The following EFNA5 variants were observed in gnomAD, a reference collection of about 807,000 sequenced individuals.
EFNA5 encodes ephrin A5.
EFNA5 carries 5 observed loss-of-function variants against 22.9 expected under a neutral mutation model. The ratio of observed to expected loss-of-function variants is 0.22; its 90% confidence interval spans 0.11 to 0.46. EFNA5 has a LOEUF of 0.46. EFNA5 is among the 20% of genes least tolerant of loss of function. The pLI is 0.99. For synonymous variants in EFNA5, 113 were observed against 112.2 expected (o/e 1.01, Z -0.04); for missense variants, 237 against 293.3 (o/e 0.81, Z 1.40).
At chr5:107,425,456 A>G (rs1469154441) in intron 2 of EFNA5, among the ~76,000 whole-genome samples, 1 of 152,196 alleles carries the variant, frequency 6.6e-6, no homozygotes, top group Non-Finnish European at 1.5e-5. Flanking sequence ...CTGTCCCACA[A>G]ATGAAGTCCT....
At chr5:107,381,501 T>C (rs1747459716) in intron 4 of EFNA5, 125 bp from the exon 5 acceptor site, 2 of 1,097,480 alleles carry the variant, frequency 1.8e-6, no homozygotes, top group Non-Finnish European at 2.5e-6. Context: ...TGTGCCACCA[T>C]TGACTTTCAT....
At chr5:107,572,190 GC>G (rs1357482092) in intron 1 of EFNA5, among the ~76,000 whole-genome samples, 1 of 151,958 alleles carries the variant, frequency 6.6e-6, no homozygotes, top group Non-Finnish European at 1.5e-5. Flanking sequence ...TGGCAAGTAC[GC>G]CCCCTGCTGG....
intron 1 of EFNA5, among the ~76,000 whole-genome samples, chr5:107,641,087 G>A (rs2112544299): frequency 6.6e-6 from 1 of 152,268 alleles, no homozygotes; most frequent in South Asian, 2.1e-4. Context: ...GCTGGGCACG[G>A]TGGCTCACAC....
intron 1 of EFNA5, among the ~76,000 whole-genome samples, chr5:107,660,261 C>CATATATATATATATATATATATATAT (rs56838945): frequency 3.8e-5 from 2 of 52,452 alleles, no homozygotes; most frequent in African/African-American, 6.9e-5. Flanking sequence ...ATGGCAAAAA[C>CATATATATATATATATATATATATAT]ATATATATAT....
chr5:107,410,019 A>ATTGTT (rs1554057257), intron 2 of EFNA5, among the ~76,000 whole-genome samples: 5 of 128,542 alleles, frequency 3.9e-5, no homozygotes, highest in African/African-American at 1.5e-4. Context: ...AAGTGACATG[A>ATTGTT]TTCTTTTTTT....
chr5:107,652,259 G>C (rs1742085200), intron 1 of EFNA5, among the ~76,000 whole-genome samples: 1 of 152,088 alleles, frequency 6.6e-6, no homozygotes, highest in Admixed American at 6.6e-5. Context: ...ACAGCCAGTA[G>C]GCCTTTGCTC....
At chr5:107,666,469 T>C (rs1751069084) in intron 1 of EFNA5, among the ~76,000 whole-genome samples, 1 of 152,164 alleles carries the variant, frequency 6.6e-6, no homozygotes, top group Non-Finnish European at 1.5e-5. Flanking sequence ...AATTACCTGC[T>C]ACTCTAATAT....
At chr5:107,462,181 T>C (rs1319418713) in intron 1 of EFNA5, among the ~76,000 whole-genome samples, 5 of 152,058 alleles carry the variant, frequency 3.3e-5, no homozygotes, top group African/African-American at 1.2e-4. Flanking sequence ...TCATCTTCAC[T>C]GCAAAGAGTG....
At chr5:107,556,384 G>A (rs1748415567) in intron 1 of EFNA5, among the ~76,000 whole-genome samples, 1 of 152,288 alleles carries the variant, frequency 6.6e-6, no homozygotes, top group East Asian at 1.9e-4. Flanking sequence ...AAACTGCAAA[G>A]TAAAACTCAA....
intron 1 of EFNA5, among the ~76,000 whole-genome samples, chr5:107,566,447 G>T (rs893634702): frequency 6.6e-6 from 1 of 152,302 alleles, no homozygotes; most frequent in Non-Finnish European, 1.5e-5. Context: ...TGTCAGTGGA[G>T]ATGGTTTCCA....
intron 1 of EFNA5, among the ~76,000 whole-genome samples, chr5:107,507,747 G>C (rs1747280912): frequency 6.6e-6 from 1 of 152,130 alleles, no homozygotes; most frequent in Non-Finnish European, 1.5e-5. Context: ...TGAGGTGGGA[G>C]AATCACTTGA....
At chr5:107,493,466 C>G (rs557198887) in intron 1 of EFNA5, among the ~76,000 whole-genome samples, 1 of 152,198 alleles carries the variant, frequency 6.6e-6, no homozygotes, top group Non-Finnish European at 1.5e-5. Context: ...TTCCTACCAG[C>G]CTGCTTTTGC....
chr5:107,591,990 A>T (rs1394361824), intron 1 of EFNA5, among the ~76,000 whole-genome samples: 1 of 37,728 alleles, frequency 2.7e-5, no homozygotes, highest in African/African-American at 1.9e-4. Flanking sequence ...TATAATATAT[A>T]ATATATATAA....
At chr5:107,388,662 T>C (rs906329085) in intron 2 of EFNA5, 3 of 152,200 alleles carry the variant, frequency 2.0e-5, no homozygotes, top group Admixed American at 6.5e-5. Flanking sequence ...AACAACCACA[T>C]GTATTTACTA....
At chr5:107,636,427 A>G (rs1405618418) in intron 1 of EFNA5, among the ~76,000 whole-genome samples, 2 of 152,226 alleles carry the variant, frequency 1.3e-5, no homozygotes, top group East Asian at 1.9e-4. Context: ...ATGCTTTATC[A>G]CATCCTTTAT....
intron 2 of EFNA5, among the ~76,000 whole-genome samples, chr5:107,423,269 A>C (rs1169404596): frequency 1.3e-5 from 2 of 152,184 alleles, no homozygotes; most frequent in African/African-American, 4.8e-5. Context: ...TGGAATTACA[A>C]AGATAACTTA....
intron 1 of EFNA5, among the ~76,000 whole-genome samples, chr5:107,591,198 G>A (rs985925650): frequency 6.6e-6 from 1 of 152,136 alleles, no homozygotes; most frequent in African/African-American, 2.4e-5. Context: ...TATCTTACAC[G>A]GCTGGCACAT....
At chr5:107,564,642 T>A (rs984160259) in intron 1 of EFNA5, among the ~76,000 whole-genome samples, 3 of 150,714 alleles carry the variant, frequency 2.0e-5, no homozygotes, top group African/African-American at 7.3e-5. Flanking sequence ...TTTTTTTTTT[T>A]TTTTTTTTTG....
In EFNA5 at chr5:107,533,014, C is replaced by G. The variant is rs377637260; in HGVS notation, c.126-105505G>C. Reference sequence around the variant, plus strand: ...CAGCTCACGGCAGCTAAAGACGGAGCTCCTGAGATGTACCTTTTTTATTTA... The same window carrying G: ...CAGCTCACGGCAGCTAAAGACGGAGGTCCTGAGATGTACCTTTTTTATTTA... On this transcript the variant is annotated intron_variant, in intron 1 of 4. Transcript: ENST00000333274. 4.6e-5 allele frequency among the ~76,000 whole-genome samples: 7 copies of G among 152,240 alleles called. No individual in the cohort carries two copies. In the East Asian group the frequency reaches 9.6e-4, roughly 21 times the overall value.
Sources: allele counts gnomAD v4.1 joint callset (sites outside exome capture counted in the v4.1 genomes callset), GRCh38; gene constraint gnomAD v4.1.1; transcripts MANE v1.5; gene names NCBI Gene and HGNC (gene_info 2026-07-23, HGNC 2026-07-21).